Variants in STAM2 observed in about 807,000 individuals in gnomAD.
STAM2 encodes the protein signal transducing adaptor molecule 2.
Under a neutral mutation model 65.6 loss-of-function variants are expected in STAM2, and 51 were observed. The observed-to-expected ratio is 0.78, with a 90% CI of 0.62 to 0.98. The LOEUF is 0.98. Ranked by LOEUF, STAM2 falls within the 50% of genes least tolerant of loss-of-function variation. The pLI is 0.00. For missense variants in STAM2, 584 were observed against 617.8 expected, an observed-to-expected ratio of 0.95 and a Z score of 0.58; for synonymous variants, 198 against 208.4, an observed-to-expected ratio of 0.95 and a Z score of 0.43.
chr2:152,128,833 C>A (rs1689009402), intron 11 of STAM2, among the ~76,000 whole-genome samples: 2 of 152,158 alleles, frequency 1.3e-5, no homozygotes, highest in Middle Eastern at 3.4e-3. Context: ...TGTACAATGA[C>A]AAAAATGAAA....
intron 1 of STAM2, among the ~76,000 whole-genome samples, chr2:152,173,406 A>ATGTATACATTTATATATATT (rs1560227709): frequency 6.9e-6 from 1 of 145,226 alleles, no homozygotes; most frequent in African/African-American, 2.5e-5. Flanking sequence ...ATATATATAT[A>ATGTATACATTTATATATATT]TTTTTTTTCG....
chr2:152,141,581 T>TTTG (rs1689249154), intron 7 of STAM2, among the ~76,000 whole-genome samples: 2 of 151,280 alleles, frequency 1.3e-5, no homozygotes, highest in African/African-American at 4.9e-5. Flanking sequence ...CTCAATGTTT[T>TTTG]TTTGTTTGTT....
At chr2:152,127,646 A>G (rs1171113723) in intron 11 of STAM2, among the ~76,000 whole-genome samples, 2 of 152,156 alleles carry the variant, frequency 1.3e-5, no homozygotes, top group Non-Finnish European at 2.9e-5. Flanking sequence ...ATCCAAGTAA[A>G]AACAATGTGT....
chr2:152,174,077 G>A lies in STAM2; in HGVS notation c.40+1526C>T, dbSNP rs34471817. ...CCACTAAACCAATGCTGGGGCCTCG[G>A]GAGCCAGGCAGGGAAAGGTTTAGAA... On this transcript the variant is annotated intron_variant, in intron 1 of 13. Transcript: ENST00000263904. 3.6e-3 allele frequency among the ~76,000 whole-genome samples: 554 copies of A among 152,212 alleles called. 4 individuals are homozygous for A. Among genetic ancestry groups the A allele is most frequent in the Middle Eastern group, 6.8e-3 (2 of 294 alleles).
In STAM2 at chr2:152,144,890, T is replaced by A. The variant is rs1689310772; in HGVS notation, c.515A>T (p.Lys172Ile). ...ATTACATGTGCTTGATCATTTACCT[T>A]TAGCTATGTCTTCATCCTCTTTGTT... ...NKNKEDEDIAKAIELSLQEQK... is the reference protein window; with the variant it reads ...NKNKEDEDIAIAIELSLQEQK... Residue 172 changes from lysine to isoleucine, a missense_variant and splice_region_variant, in exon 6 of 14, where the codon AAA (lysine) becomes ATA (isoleucine). Transcript: ENST00000263904. The A allele has an allele frequency of 6.2e-7, 1 of 1,613,322 alleles. No individual in the cohort carries two copies. The highest frequency in any genetic ancestry group is 1.7e-5 in the Admixed American group (1 of 60,002).
intron 12 of STAM2, 71 bp from the exon 13 acceptor site, chr2:152,124,006 TAA>T: frequency 7.8e-6 from 10 of 1,279,016 alleles, no homozygotes; most frequent in Non-Finnish European, 9.9e-6. Context: ...TTTAAAATGT[TAA>T]AAGACTTAAA....
chr2:152,138,652 C>T, intron 7 of STAM2, among the ~76,000 whole-genome samples: 1 of 152,044 alleles, frequency 6.6e-6, no homozygotes, highest in East Asian at 1.9e-4. Flanking sequence ...TTTATGAGCA[C>T]TAGAAAGAGA....
intron 4 of STAM2, 149 bp from the exon 5 acceptor site, chr2:152,147,457 TGATA>T (rs1689357128): frequency 1.0e-5 from 7 of 686,586 alleles, no homozygotes; most frequent in Non-Finnish European, 1.6e-5. Context: ...GTTGAGTAAT[TGATA>T]GATGCCTATT....
intron 1 of STAM2, among the ~76,000 whole-genome samples, chr2:152,151,966 G>A (rs1202342834): frequency 6.6e-6 from 1 of 152,156 alleles, no homozygotes; most frequent in African/African-American, 2.4e-5. Flanking sequence ...CTGAGACAGG[G>A]TCTCACTCTG....
At chr2:152,132,857 C>A (rs775611882) in intron 10 of STAM2, among the ~76,000 whole-genome samples, 1 of 152,042 alleles carries the variant, frequency 6.6e-6, no homozygotes, top group Non-Finnish European at 1.5e-5. Context: ...CATTAAACAG[C>A]AATAAGCATT....
chr2:152,170,163 C>A (rs1477768802), intron 1 of STAM2, among the ~76,000 whole-genome samples: 1 of 151,448 alleles, frequency 6.6e-6, no homozygotes, highest in African/African-American at 2.4e-5. Flanking sequence ...CTGAAGAATT[C>A]CCCTTCAAGA....
At chr2:152,173,636 AT>A (rs1031986558) in intron 1 of STAM2, among the ~76,000 whole-genome samples, 10 of 152,044 alleles carry the variant, frequency 6.6e-5, no homozygotes, top group African/African-American at 2.2e-4. Flanking sequence ...ACCTCCAGTG[AT>A]TTACCCGCCT....
intron 1 of STAM2, among the ~76,000 whole-genome samples, chr2:152,170,567 A>G (rs1263575400): frequency 6.6e-6 from 1 of 152,232 alleles, no homozygotes; most frequent in Non-Finnish European, 1.5e-5. Context: ...CTGTAGGTGC[A>G]AGAAATTGAA....
At chr2:152,151,164 T>C (rs2105552002) in intron 1 of STAM2, among the ~76,000 whole-genome samples, 1 of 151,228 alleles carries the variant, frequency 6.6e-6, no homozygotes, top group East Asian at 1.9e-4. Flanking sequence ...GAATTTATAA[T>C]ATTTACATGA....
At chr2:152,141,652 A>C (rs559544441) in intron 7 of STAM2, among the ~76,000 whole-genome samples, 169 of 151,344 alleles carry the variant, frequency 1.1e-3, no homozygotes, top group Non-Finnish European at 2.1e-3. Flanking sequence ...GTGCAATGGC[A>C]CGATCTCGGC....
chr2:152,138,495 T>C (rs1689193884), intron 7 of STAM2, among the ~76,000 whole-genome samples: 1 of 152,192 alleles, frequency 6.6e-6, no homozygotes, highest in Non-Finnish European at 1.5e-5. Flanking sequence ...CATCGGACTC[T>C]TGAACTTTCT....
At chr2:152,127,701 T>G (rs983275339) in intron 11 of STAM2, among the ~76,000 whole-genome samples, 1 of 152,200 alleles carries the variant, frequency 6.6e-6, no homozygotes, top group Non-Finnish European at 1.5e-5. Flanking sequence ...TGGTTGATTT[T>G]GAGAAAGTAA....
intron 8 of STAM2, among the ~76,000 whole-genome samples, chr2:152,134,156 T>G (rs1689112305): frequency 6.6e-6 from 1 of 152,024 alleles, no homozygotes; most frequent in South Asian, 2.1e-4. Flanking sequence ...TTGGTAAAAA[T>G]AAAACTACAA....
chr2:152,136,561 C>G (rs929150935), intron 7 of STAM2, among the ~76,000 whole-genome samples: 3 of 152,200 alleles, frequency 2.0e-5, no homozygotes, highest in Admixed American at 2.0e-4. Context: ...AAGTTGGTAG[C>G]CTTCTTGTCA....
Sources: allele counts gnomAD v4.1 joint callset (sites outside exome capture counted in the v4.1 genomes callset), GRCh38; gene constraint gnomAD v4.1.1; transcripts MANE v1.5; gene names NCBI Gene and HGNC (gene_info 2026-07-23, HGNC 2026-07-21).